Variants in C16orf95 observed in about 807,000 individuals in gnomAD.
C16orf95 encodes the protein chromosome 16 open reading frame 95.
C16orf95 carries 41 observed loss-of-function variants against 32.1 expected under a neutral mutation model. The observed-to-expected ratio is 1.28, with a 90% CI of 1.00 to 1.66. The LOEUF is 1.66. C16orf95 is among the 40% of genes most tolerant of loss of function. The pLI is 0.00. For synonymous variants in C16orf95, 147 were observed against 128.9 expected (o/e 1.14, Z -0.95); for missense variants, 399 against 325.9 (o/e 1.22, Z -1.73).
At position 87,317,147 on chromosome 16, in the gene C16orf95, G is replaced by A. The variant is rs1904381627; in HGVS notation, c.96C>T (p.Gly32=). Residue 32 remains glycine (G), a synonymous_variant, in exon 1 of 7, where the codon GGC becomes GGT. Transcript: ENST00000567970. ...ACCTGCAGAGCCCGACGCACCCCGC[G>A]CCCGGCCCCCCGGCAGCAGCGCCTG... ...AASGAAAGGP[G]AGCVGLCRLA... is the part of the protein sequence containing the mutation. 2 of 1,534,178 alleles carry A rather than the reference G, an allele frequency of 1.3e-6. No homozygotes were observed. Among genetic ancestry groups the A allele is most frequent in the Non-Finnish European group, 1.7e-6 (2 of 1,145,848 alleles).
Position 87,305,797 on chromosome 16 carries a change from G to A in C16orf95, c.623C>T (p.Pro208Leu), listed in dbSNP as rs994993095. Residue 208 changes from proline (P) to leucine (L), a missense_variant, in exon 6 of 7, where the codon CCG becomes CTG. Transcript: ENST00000567970. This position sits in a 1 kb window ranked among gnomAD's most constrained non-coding sequence, Gnocchi z 4.2. ...GGGCAGCAGACGCGCTGCAGGAGCC[G>A]GTAGCTGGTCCTGGTAGGGGGCCTG... ...QLQAPYQDQL[P>L]APAARLLPLG... The A allele has an allele frequency of 1.2e-4, 177 of 1,516,740 alleles. 3 individuals are homozygous for A. The East Asian group carries it at 3.4e-3, about 29-fold the overall frequency. 94.0% of individuals were successfully genotyped at this position (1,516,740 alleles called of 1,614,324 possible).
chr16:87,305,961 C>T lies in C16orf95; in HGVS notation c.515-56G>A, dbSNP rs1911007837. 2 of 1,311,414 alleles carry T rather than the reference C, an allele frequency of 1.5e-6. No homozygotes were observed. Among genetic ancestry groups the T allele is most frequent in the Non-Finnish European group, 2.0e-6 (2 of 1,017,258 alleles). The allele number at this position is 1,311,414 out of a possible 1,614,324, so 81.2% of individuals were successfully genotyped here. A position where few individuals can be genotyped will look rare whatever the true frequency, so the allele number is the denominator to read the frequency against. On this transcript the variant is annotated intron_variant, in intron 5 of 6. Transcript: ENST00000567970. This position sits in a 1 kb window ranked among gnomAD's most constrained non-coding sequence, Gnocchi z 4.2. ...GGCGTGTTCTCCGGGACTCTGTGAG[C>T]CACGAGGAGGCTGCAACACCAGCCC...
chr16:87,305,692 A>G lies in C16orf95; in HGVS notation c.701+27T>C. Reference sequence around the variant, plus strand: ...GGACGTCACCATGCCAGGGCCACCCACTGTCCCCCATCCCCCACCTGCTCA... The same window carrying G: ...GGACGTCACCATGCCAGGGCCACCCGCTGTCCCCCATCCCCCACCTGCTCA... On this transcript the variant is annotated intron_variant, in intron 6 of 6. Transcript: ENST00000567970. The surrounding 1 kb of genome is among the most constrained non-coding windows in gnomAD (Gnocchi z 4.2). 1.4e-6 allele frequency: 2 copies of G among 1,475,618 alleles called. No individual in the cohort carries two copies. The highest frequency in any genetic ancestry group is 2.6e-5 in the East Asian group (1 of 37,838). 91.4% of individuals were successfully genotyped at this position (1,475,618 alleles called of 1,614,324 possible).
In C16orf95 at chr16:87,317,154, C is replaced by A. The variant is rs919853965; in HGVS notation, c.89G>T (p.Gly30Val). 1 of 1,533,940 alleles carries A rather than the reference C, an allele frequency of 6.5e-7. No homozygotes were observed. Among genetic ancestry groups the A allele is most frequent in the Non-Finnish European group, 8.7e-7 (1 of 1,145,828 alleles). The change falls in exon 1 of 7, where the codon GGG becomes GTG. Residue 30 changes from glycine (G) to valine (V), a missense_variant. By Grantham distance (109) the Gly-to-Val change is moderately radical. Coordinates refer to ENST00000567970, the MANE Select transcript of C16orf95 (RefSeq NM_001195124.3). ...GAGCCCGACGCACCCCGCGCCCGGC[C>A]CCCCGGCAGCAGCGCCTGAGGCTGC... is the stretch of plus-strand genomic sequence containing the variant. ...TGAASGAAAG[G>V]PGAGCVGLCR...
At chr16:87,310,456 C>G (rs1911230250) in intron 4 of C16orf95, 123 bp from the exon 5 acceptor site, 1 of 938,566 alleles carries the variant, frequency 1.1e-6, no homozygotes, top group Admixed American at 2.1e-5. Flanking sequence ...GCCAAGGGCT[C>G]CTCCTTATGA....
chr16:87,304,580 CA>C (rs1328976754), intron 6 of C16orf95, among the ~76,000 whole-genome samples: 3 of 152,224 alleles, frequency 2.0e-5, no homozygotes, highest in Non-Finnish European at 2.9e-5. Context: ...GCTCAGAGAC[CA>C]AACAGAGCTC....
chr16:87,304,832 G>C (rs1910939077), intron 6 of C16orf95, among the ~76,000 whole-genome samples: 1 of 152,264 alleles, frequency 6.6e-6, no homozygotes. Context: ...TGAACAACTA[G>C]AAAACAGGAC....
rs78047798 is a variant in C16orf95 at position 87,307,056 on chromosome 16, C to T, written c.515-1151G>A. ...TTTGTTTCCCAAGCATTCCCCGACC[C>T]CTGCCTCTGGGGGTTCCACTCAAAT... On this transcript the variant is annotated intron_variant, in intron 5 of 6. Coordinates refer to ENST00000567970, the MANE Select transcript of C16orf95 (RefSeq NM_001195124.3). Among the ~76,000 whole-genome samples the T allele has an allele frequency of 9.7e-3, 1,475 of 152,270 alleles. 31 individuals are homozygous for T. Among genetic ancestry groups the T allele is most frequent in the African/African-American group, 0.034 (1,426 of 41,524 alleles).
In C16orf95 at chr16:87,310,286, A is replaced by ACC; in HGVS notation, c.514+10_514+11insGG. The ACC allele has an allele frequency of 6.5e-7, 1 of 1,536,006 alleles. No individual in the cohort carries two copies. Among genetic ancestry groups the ACC allele is most frequent in the Non-Finnish European group, 8.7e-7 (1 of 1,146,846 alleles). ...GGGGGATGATATGAGACACACACAC[A>ACC]CTGGAGTTACCTTGGATGCCTTTCA... On this transcript the variant is annotated intron_variant, in intron 5 of 6. Transcript: ENST00000567970.
intron 3 of C16orf95, 141 bp downstream of exon 3, chr16:87,314,826 AAAAT>A (rs923109347): frequency 1.8e-4 from 155 of 857,168 alleles, no homozygotes; most frequent in Middle Eastern, 3.5e-4. Flanking sequence ...ATCTGACATG[AAAAT>A]AAATAAATAA....
intron 5 of C16orf95, among the ~76,000 whole-genome samples, chr16:87,309,292 G>C (rs753554333): frequency 6.9e-6 from 1 of 144,748 alleles, no homozygotes; most frequent in South Asian, 2.3e-4. Context: ...TATCAGTTTA[G>C]TTTGGTGCAA....
intron 6 of C16orf95, 92 bp from the exon 7 acceptor site, chr16:87,303,167 G>C: frequency 7.9e-7 from 1 of 1,262,652 alleles, no homozygotes; most frequent in Non-Finnish European, 1.1e-6. Context: ...TCCATGAGCG[G>C]AAGGCAGAGG....
intron 4 of C16orf95, 141 bp from the exon 5 acceptor site, chr16:87,310,474 G>A (rs554890027): frequency 5.3e-5 from 41 of 778,328 alleles, no homozygotes; most frequent in South Asian, 3.0e-4. Context: ...TGAGGTCTGC[G>A]GGCTCTTTTC....
At chr16:87,303,236 G>A in intron 6 of C16orf95, 161 bp from the exon 7 acceptor site, 1 of 697,542 alleles carries the variant, frequency 1.4e-6, no homozygotes, top group Non-Finnish European at 2.5e-6. Flanking sequence ...CAGGGATGAG[G>A]GGTGGGGTGC....
chr16:87,314,429 C>A (rs2150655559), intron 3 of C16orf95, among the ~76,000 whole-genome samples: 1 of 152,258 alleles, frequency 6.6e-6, no homozygotes, highest in Non-Finnish European at 1.5e-5. Flanking sequence ...GTCTATGACC[C>A]CATTTATATA....
rs144263995 is a variant in C16orf95 at position 87,314,544 on chromosome 16, C to T, written c.330+427G>A. On this transcript the variant is annotated intron_variant, in intron 3 of 6. Coordinates refer to ENST00000567970, the MANE Select transcript of C16orf95 (RefSeq NM_001195124.3). ...TTGGGTAAAGTTACAAAGGAGCCCA[C>T]GGACATGATTAAGGGTTGTGTATAT... Among the ~76,000 whole-genome samples, 535 of 152,234 alleles carry T rather than the reference C, an allele frequency of 3.5e-3. 1 individual carries two copies. The highest frequency in any genetic ancestry group is 6.8e-3 in the Middle Eastern group (2 of 294).
chr16:87,314,284 T>C (rs981347673), intron 3 of C16orf95, among the ~76,000 whole-genome samples: 2 of 152,174 alleles, frequency 1.3e-5, no homozygotes, highest in African/African-American at 4.8e-5. Flanking sequence ...TCTGGGCGAA[T>C]GAATAAACTG....
rs1037587662 is a variant in C16orf95 at position 87,317,378 on chromosome 16, G to C, written c.-136C>G. ...CCCCAGCCCCAACCTCAACCGCTCAGAGGAGCCCAACAACGCCCGCGCGCC... is the reference window on the plus strand; with the variant it reads ...CCCCAGCCCCAACCTCAACCGCTCACAGGAGCCCAACAACGCCCGCGCGCC... On this transcript the variant is annotated 5_prime_UTR_variant, in exon 1 of 7. Coordinates refer to ENST00000567970, the MANE Select transcript of C16orf95 (RefSeq NM_001195124.3). 4 of 1,403,004 alleles carry C rather than the reference G, an allele frequency of 2.9e-6. No homozygotes were observed. The African/African-American group carries it at 5.9e-5, about 21-fold the overall frequency. The allele number at this position is 1,403,004 out of a possible 1,614,324, so 86.9% of individuals were successfully genotyped here.
intron 5 of C16orf95, among the ~76,000 whole-genome samples, chr16:87,309,272 A>C (rs988152025): frequency 6.6e-6 from 1 of 152,012 alleles, no homozygotes; most frequent in East Asian, 1.9e-4. Flanking sequence ...GATATGTTAT[A>C]ATAAGTTAGT....
Sources: gnomAD v4.1 joint callset for allele counts (sites outside exome capture counted in the v4.1 genomes callset) on GRCh38, gnomAD v4.1.1 for gene constraint, Gnocchi (gnomAD v3.1) non-coding constraint, MANE v1.5 for transcripts, NCBI Gene and HGNC (gene_info 2026-07-23, HGNC 2026-07-21) for gene names.